ADAMTS2: variants seen among roughly 807,000 people sequenced by gnomAD.
ADAMTS2 encodes the protein ADAM metallopeptidase with thrombospondin type 1 motif 2, also known as A disintegrin and metalloproteinase with thrombospondin motifs 2.
In ADAMTS2, 50 loss-of-function variants were observed where a neutral mutation model predicts 123.0. That is an observed-to-expected ratio of 0.41 (90% CI 0.32 to 0.51). The LOEUF (loss-of-function observed/expected upper bound fraction) is 0.51, where lower values mean the gene tolerates loss of function less well. Ranked by LOEUF, ADAMTS2 falls within the 20% of genes least tolerant of loss-of-function variation. The probability of loss-of-function intolerance (pLI) is 0.35; values close to 1 mark genes in which losing one functional copy is unlikely to be tolerated. For synonymous variants in ADAMTS2, 678 were observed against 695.4 expected (o/e 0.98, Z 0.39); for missense variants, 1,494 against 1,705.2 (o/e 0.88, Z 2.18).
chr5:179,292,616 C>A (rs1348896919), intron 2 of ADAMTS2, among the ~76,000 whole-genome samples: 2 of 151,984 alleles, frequency 1.3e-5, no homozygotes, highest in African/African-American at 4.8e-5. Flanking sequence ...TGCCCAGGGC[C>A]CCATGTATCC....
At chr5:179,270,444 T>G (rs1281417126) in intron 3 of ADAMTS2, among the ~76,000 whole-genome samples, 1 of 152,198 alleles carries the variant, frequency 6.6e-6, no homozygotes, top group Non-Finnish European at 1.5e-5. Context: ...CAGCACCTCC[T>G]GCCAGCTTCT....
rs527572273 is a variant in ADAMTS2, at chr5:179,333,117, G to A, written c.534+10650C>T. ...ACCCGAGAGCAGAGGGCCAGGAGCC[G>A]ACACCGCTGTGGCAGCTTCCCGCAT... On this transcript the variant is annotated intron_variant, in intron 2 of 21. Coordinates refer to ENST00000251582, the MANE Select transcript of ADAMTS2 (RefSeq NM_014244.5). Among the ~76,000 whole-genome samples, 22 of 152,294 alleles carry A rather than the reference G, an allele frequency of 1.4e-4. No homozygotes were observed. In the East Asian group the frequency reaches 3.5e-3, roughly 24 times the overall value.
chr5:179,308,237 A>G lies in ADAMTS2; in HGVS notation c.535-35173T>C, dbSNP rs866318643. On this transcript the variant is annotated intron_variant, in intron 2 of 21. Coordinates refer to ENST00000251582, the MANE Select transcript of ADAMTS2 (RefSeq NM_014244.5). This position sits in a 1 kb window ranked among gnomAD's most constrained non-coding sequence, Gnocchi z 6.6. ...GGCTGCTCGGTGGAGGTGGGAAGAC[A>G]GGCGCTGAGAGTTGTCTGACACAAT... is the stretch of plus-strand genomic sequence containing the variant. Among the ~76,000 whole-genome samples, 21 of 152,306 alleles carry G rather than the reference A, an allele frequency of 1.4e-4. No homozygotes were observed. Among genetic ancestry groups the G allele is most frequent in the African/African-American group, 4.8e-4 (20 of 41,574 alleles).
At chr5:179,116,843 C>T (rs1762667070) in intron 21 of ADAMTS2, among the ~76,000 whole-genome samples, 1 of 152,054 alleles carries the variant, frequency 6.6e-6, no homozygotes, top group Admixed American at 6.6e-5. Context: ...CAGGGTCCAC[C>T]ATGAAAAGGG....
intron 15 of ADAMTS2, among the ~76,000 whole-genome samples, chr5:179,131,629 G>A (rs1028870726): frequency 6.6e-6 from 1 of 152,102 alleles, no homozygotes; most frequent in Admixed American, 6.5e-5. Context: ...CAGAGGGAGG[G>A]TGGACAGGTC....
chr5:179,272,618 T>C lies in ADAMTS2; in HGVS notation c.688+293A>G, dbSNP rs918441490. Among the ~76,000 whole-genome samples, 5 of 152,092 alleles carry C rather than the reference T, an allele frequency of 3.3e-5. No individual in the cohort carries two copies. The highest frequency in any genetic ancestry group is 9.7e-5 in the African/African-American group (4 of 41,424). On this transcript the variant is annotated intron_variant, in intron 3 of 21. Coordinates refer to ENST00000251582, the MANE Select transcript of ADAMTS2 (RefSeq NM_014244.5). This position sits in a 1 kb window ranked among gnomAD's most constrained non-coding sequence, Gnocchi z 5.8. ...TTGCTTGCCTTTAGGCAACAGAAGA[T>C]GGGCCCTTGGACAGCCTTCATAGTC...
At chr5:179,119,866 C>T (rs750235338) in intron 21 of ADAMTS2, among the ~76,000 whole-genome samples, 4 of 152,134 alleles carry the variant, frequency 2.6e-5, no homozygotes, top group South Asian at 2.1e-4. Context: ...CTTTTCCTGA[C>T]GAGGAGACCT....
chr5:179,172,045 C>T (rs1561788897), intron 5 of ADAMTS2, among the ~76,000 whole-genome samples: 1 of 152,188 alleles, frequency 6.6e-6, no homozygotes, highest in Non-Finnish European at 1.5e-5. Context: ...AGCGTGCGTC[C>T]AGCTTCCGGT....
rs1278288780 is a variant in ADAMTS2, at chr5:179,117,262, C to T, written c.3179-2938G>A. On this transcript the variant is annotated intron_variant, in intron 21 of 21. Coordinates refer to ENST00000251582, the MANE Select transcript of ADAMTS2 (RefSeq NM_014244.5). This position sits in a 1 kb window ranked among gnomAD's most constrained non-coding sequence, Gnocchi z 4.2. ...GCCTCCCTTCTCCCTACCCCATAGG[C>T]TTTGACAAAGGAGGGAGCCTGGGCC... Among the ~76,000 whole-genome samples, 1 of 152,194 alleles carries T rather than the reference C, an allele frequency of 6.6e-6. No homozygotes were observed. Among genetic ancestry groups the T allele is most frequent in the African/African-American group, 2.4e-5 (1 of 41,440 alleles).
chr5:179,325,209 T>A (rs1350869680), intron 2 of ADAMTS2, among the ~76,000 whole-genome samples: 1 of 151,984 alleles, frequency 6.6e-6, no homozygotes, highest in Non-Finnish European at 1.5e-5. Flanking sequence ...ACATGGTGGG[T>A]AGAGCAAGCA....
intron 2 of ADAMTS2, among the ~76,000 whole-genome samples, chr5:179,323,469 G>A (rs555073709): frequency 1.3e-4 from 20 of 152,360 alleles, no homozygotes; most frequent in Non-Finnish European, 2.9e-4. Context: ...CTGGACACCT[G>A]GTCCTGCCAC....
intron 12 of ADAMTS2, among the ~76,000 whole-genome samples, chr5:179,137,037 C>T (rs995605396): frequency 1.3e-5 from 2 of 152,112 alleles, no homozygotes; most frequent in South Asian, 2.1e-4. Context: ...CAGCCTGCCT[C>T]GATTCAGACT....
intron 2 of ADAMTS2, among the ~76,000 whole-genome samples, chr5:179,279,226 A>G (rs1163348965): frequency 6.6e-6 from 1 of 152,138 alleles, no homozygotes; most frequent in Non-Finnish European, 1.5e-5. Context: ...AATCAAGCAT[A>G]GAAGGCACAA....
chr5:179,344,882 C>A (rs943166564), intron 1 of ADAMTS2, among the ~76,000 whole-genome samples: 3 of 152,290 alleles, frequency 2.0e-5, no homozygotes, highest in East Asian at 3.9e-4. Context: ...CTGGCTCCCC[C>A]CTCGGACCCG....
In ADAMTS2 at chr5:179,272,985, T is replaced by C; in HGVS notation, c.614A>G (p.Gln205Arg). ...EKGLAAQEAE[Q>R]GRVHVVYRRP... ...GCGATACACCACATGCACACGGCCT[T>C]GCTCAGCCTCCTGCGCCGCCAGCCC... is the stretch of plus-strand genomic sequence containing the variant. The change falls in exon 3 of 22, where the codon CAA becomes CGA. Residue 205 changes from glutamine (Q) to arginine (R), a missense_variant. Gln to Arg is a conservative substitution (Grantham distance 43, BLOSUM62 1). This residue lies in a region of ADAMTS2 where 184 missense variants were observed against 152.1 expected (regional missense o/e 1.21). Coordinates refer to ENST00000251582, the MANE Select transcript of ADAMTS2 (RefSeq NM_014244.5). This position sits in a 1 kb window ranked among gnomAD's most constrained non-coding sequence, Gnocchi z 5.8. The C allele has an allele frequency of 2.5e-6, 4 of 1,613,016 alleles. No homozygotes were observed. The highest frequency in any genetic ancestry group is 3.4e-6 in the Non-Finnish European group (4 of 1,180,014).
chr5:179,161,794 C>T (rs1277470135), intron 5 of ADAMTS2, among the ~76,000 whole-genome samples: 2 of 152,150 alleles, frequency 1.3e-5, no homozygotes, highest in African/African-American at 4.8e-5. Context: ...TCACACCCTA[C>T]CCCAGAAATA....
In ADAMTS2 at chr5:179,242,949, G is replaced by C. The variant is rs888587687; in HGVS notation, c.688+29962C>G. 7.2e-5 allele frequency among the ~76,000 whole-genome samples: 11 copies of C among 152,096 alleles called. No homozygotes were observed. Among genetic ancestry groups the C allele is most frequent in the African/African-American group, 1.2e-4 (5 of 41,414 alleles). ...AGGTGCAGCAGGGCGAGAGTGCTGG[G>C]CTCCTAATCACCCTAAGTCCAGCCT... On this transcript the variant is annotated intron_variant, in intron 3 of 21. Coordinates refer to ENST00000251582, the MANE Select transcript of ADAMTS2 (RefSeq NM_014244.5). This position sits in a 1 kb window ranked among gnomAD's most constrained non-coding sequence, Gnocchi z 4.2.
intron 2 of ADAMTS2, among the ~76,000 whole-genome samples, chr5:179,299,538 C>CACACACACACACACACACAT (rs1554096307): frequency 1.3e-5 from 2 of 148,396 alleles, no homozygotes; most frequent in Non-Finnish European, 3.0e-5. Flanking sequence ...CAAACACACA[C>CACACACACACACACACACAT]ACACACACAC....
intron 10 of ADAMTS2, among the ~76,000 whole-genome samples, chr5:179,141,041 C>A (rs1763158917): frequency 6.6e-6 from 1 of 151,828 alleles, no homozygotes; most frequent in African/African-American, 2.4e-5. Context: ...TCTCGAACTC[C>A]TGACCTCAGG....
Sources: allele counts gnomAD v4.1 joint callset (sites outside exome capture counted in the v4.1 genomes callset), GRCh38; gene constraint gnomAD v4.1.1; regional missense constraint gnomAD v4.1.1; non-coding constraint Gnocchi (gnomAD v3.1); transcripts MANE v1.5; gene names NCBI Gene and HGNC (gene_info 2026-07-23, HGNC 2026-07-21).